SEC11A: variants seen among roughly 807,000 people sequenced by gnomAD.
SEC11A encodes SEC11 homolog A, signal peptidase complex subunit, also known as signal peptidase complex catalytic subunit SEC11A.
A neutral mutation model predicts 25.6 loss-of-function variants in SEC11A; 14 were observed. The ratio of observed to expected loss-of-function variants is 0.55; its 90% confidence interval spans 0.36 to 0.85. SEC11A has a LOEUF of 0.85. Ranked by LOEUF, SEC11A falls within the 40% of genes least tolerant of loss-of-function variation. The pLI is 0.01. For missense variants in SEC11A, 153 were observed against 222.9 expected (o/e 0.69, Z 2.00); for synonymous variants, 83 against 76.4 (o/e 1.09, Z -0.45).
Position 84,678,236 on chromosome 15 carries a change from A to AG in SEC11A, c.431+2476dup, listed in dbSNP as rs1361486890. 7.2e-5 allele frequency among the ~76,000 whole-genome samples: 11 copies of AG among 152,116 alleles called. 2 individuals are homozygous for AG. In the South Asian group the frequency reaches 1.7e-3, roughly 23 times the overall value. ...AAGACTCTGCCTCAAAAAAAAGAAA[A>AG]GAAAAAAAAAAGAAGGCCCAGATAA... On this transcript the variant is annotated intron_variant, in intron 4 of 5. Coordinates refer to ENST00000268220, the MANE Select transcript of SEC11A (RefSeq NM_014300.4).
chr15:84,715,964 C>T, intron 1 of SEC11A, 61 bp downstream of exon 1: 1 of 1,537,466 alleles, frequency 6.5e-7, no homozygotes, highest in South Asian at 1.1e-5. Context: ...CGCCGGGCCC[C>T]GCAGCAGCAG....
At chr15:84,691,073 C>CTT (rs199982469) in intron 2 of SEC11A, among the ~76,000 whole-genome samples, 7,915 of 132,888 alleles carry the variant, frequency 0.06, 330 homozygotes, top group African/African-American at 0.068. Flanking sequence ...TCTTTTCTCT[C>CTT]TTTTTTTTTT....
intron 2 of SEC11A, among the ~76,000 whole-genome samples, chr15:84,689,653 G>C (rs1183898260): frequency 1.3e-5 from 2 of 148,966 alleles, no homozygotes; most frequent in African/African-American, 2.5e-5. Context: ...TGTCACCCAG[G>C]CTGGAGTGCA....
chr15:84,688,995 A>G (rs1285872008), intron 2 of SEC11A, among the ~76,000 whole-genome samples: 1 of 149,866 alleles, frequency 6.7e-6, no homozygotes, highest in Non-Finnish European at 1.5e-5. Flanking sequence ...GCGCCATTGC[A>G]CTCCAGCCTG....
chr15:84,710,261 TTAAAA>T (rs1447914812), intron 1 of SEC11A, among the ~76,000 whole-genome samples: 1 of 152,194 alleles, frequency 6.6e-6, no homozygotes, highest in African/African-American at 2.4e-5. Context: ...TCAAAGTTCT[TTAAAA>T]TATTTTTTTA....
rs550191553 is a variant in SEC11A at position 84,691,235 on chromosome 15, C to T, written c.161+300G>A. ...GACTACAGGTCCATGCCACCACACC[C>T]GCTAATTTTTGTATTTTTTGTGGAG... is the stretch of plus-strand genomic sequence containing the variant. On this transcript the variant is annotated intron_variant, in intron 2 of 5. Coordinates refer to ENST00000268220, the MANE Select transcript of SEC11A (RefSeq NM_014300.4). Among the ~76,000 whole-genome samples, 9 of 151,928 alleles carry T rather than the reference C, an allele frequency of 5.9e-5. No individual in the cohort carries two copies. In the East Asian group the frequency reaches 1.7e-3, roughly 29 times the overall value.
In SEC11A at chr15:84,669,942, A is replaced by G. The variant is rs763232050; in HGVS notation, c.*77T>C. 42 of 1,606,618 alleles carry G rather than the reference A, an allele frequency of 2.6e-5. No individual in the cohort carries two copies. The highest frequency in any genetic ancestry group is 3.6e-5 in the Non-Finnish European group (42 of 1,176,782). On this transcript the variant is annotated 3_prime_UTR_variant, in exon 6 of 6. Transcript: ENST00000268220. Reference sequence around the variant, plus strand: ...AACACGTGTGTTCTCCATTCCACCAATCACAGACCAGTATCTACTCCAAAC... The same window carrying G: ...AACACGTGTGTTCTCCATTCCACCAGTCACAGACCAGTATCTACTCCAAAC...
chr15:84,675,038 G>A (rs1455565408), intron 4 of SEC11A, among the ~76,000 whole-genome samples: 1 of 152,180 alleles, frequency 6.6e-6, no homozygotes, highest in African/African-American at 2.4e-5. Flanking sequence ...ACAGAGATAA[G>A]CAAAGAGCTG....
intron 1 of SEC11A, among the ~76,000 whole-genome samples, chr15:84,699,101 G>C (rs939697240): frequency 6.6e-6 from 1 of 152,036 alleles, no homozygotes; most frequent in East Asian, 1.9e-4. Flanking sequence ...GATCACTTGA[G>C]GCCAGGAGTT....
intron 4 of SEC11A, among the ~76,000 whole-genome samples, chr15:84,678,622 TG>T (rs1484870607): frequency 1.3e-5 from 2 of 152,178 alleles, no homozygotes; most frequent in African/African-American, 4.8e-5. Context: ...AGTAATTTTT[TG>T]GGTAAAAAAG....
intron 3 of SEC11A, among the ~76,000 whole-genome samples, chr15:84,681,117 AAAG>A (rs1484972636): frequency 6.7e-6 from 1 of 148,714 alleles, no homozygotes; most frequent in Non-Finnish European, 1.5e-5. Flanking sequence ...TAAGTGAAGA[AAAG>A]AATACAAAAT....
chr15:84,708,253 T>A (rs1319340927), intron 1 of SEC11A, among the ~76,000 whole-genome samples: 1 of 148,182 alleles, frequency 6.7e-6, no homozygotes, highest in Non-Finnish European at 1.5e-5. Flanking sequence ...TTGATGTTAA[T>A]TGCAGTTTAC....
chr15:84,708,205 C>CAAAAAAAAA (rs71132699), intron 1 of SEC11A, among the ~76,000 whole-genome samples: 2 of 35,402 alleles, frequency 5.6e-5, no homozygotes, highest in Non-Finnish European at 5.1e-5. Context: ...GGCTCTGTCT[C>CAAAAAAAAA]AAAAAAAAAA....
At chr15:84,706,916 A>G in intron 1 of SEC11A, among the ~76,000 whole-genome samples, 1 of 152,188 alleles carries the variant, frequency 6.6e-6, no homozygotes, top group East Asian at 1.9e-4. Flanking sequence ...TAAGACAGAC[A>G]CTGACAGGCT....
At chr15:84,715,746 C>A (rs893502959) in intron 1 of SEC11A, among the ~76,000 whole-genome samples, 2 of 152,200 alleles carry the variant, frequency 1.3e-5, no homozygotes, top group Admixed American at 6.5e-5. Flanking sequence ...CCACTTCAAG[C>A]GCGTACGGTT....
At chr15:84,705,070 G>A (rs1169987742) in intron 1 of SEC11A, among the ~76,000 whole-genome samples, 1 of 152,064 alleles carries the variant, frequency 6.6e-6, no homozygotes, top group African/African-American at 2.4e-5. Flanking sequence ...GACTACAGGT[G>A]AGTACCACCA....
rs572629695 is a variant in SEC11A at position 84,699,763 on chromosome 15, C to T, written c.52-8119G>A. Among the ~76,000 whole-genome samples the T allele has an allele frequency of 2.0e-5, 3 of 151,550 alleles. No homozygotes were observed. In the East Asian group the frequency reaches 5.8e-4, roughly 29 times the overall value. Reference sequence around the variant, plus strand: ...AATACAGCAAGATCCCCGTTCTCCACGGAAAAAGAAAAAAACAAAGACACA... The same window carrying T: ...AATACAGCAAGATCCCCGTTCTCCATGGAAAAAGAAAAAAACAAAGACACA... On this transcript the variant is annotated intron_variant, in intron 1 of 5. Coordinates refer to ENST00000268220, the MANE Select transcript of SEC11A (RefSeq NM_014300.4).
chr15:84,696,527 G>A (rs1897771839), intron 1 of SEC11A, among the ~76,000 whole-genome samples: 1 of 152,138 alleles, frequency 6.6e-6, no homozygotes, highest in Non-Finnish European at 1.5e-5. Flanking sequence ...TCTGAGGAAG[G>A]GGTTGTAGGA....
chr15:84,714,018 CTT>C (rs34873142), intron 1 of SEC11A, among the ~76,000 whole-genome samples: 1 of 100,426 alleles, frequency 1.0e-5, no homozygotes, highest in Non-Finnish European at 1.9e-5. Flanking sequence ...CATATACCTT[CTT>C]TTTTTTTTTT....
Sources: gnomAD v4.1 joint callset for allele counts (sites outside exome capture counted in the v4.1 genomes callset) on GRCh38, gnomAD v4.1.1 for gene constraint, MANE v1.5 for transcripts, NCBI Gene and HGNC (gene_info 2026-07-23, HGNC 2026-07-21) for gene names.